Variants in PLA2G3 observed in about 807,000 individuals in gnomAD.
The protein encoded by PLA2G3 is phospholipase A2 group III.
Under a neutral mutation model 51.3 loss-of-function variants are expected in PLA2G3, and 39 were observed. The ratio of observed to expected loss-of-function variants is 0.76; its 90% CI spans 0.59 to 0.99. PLA2G3 has a LOEUF of 0.99. PLA2G3 is among the 50% of genes least tolerant of loss of function. The probability of loss-of-function intolerance (pLI) is 0.00; values close to 1 mark genes in which losing one functional copy is unlikely to be tolerated. For synonymous variants in PLA2G3, 293 were observed against 263.1 expected (o/e 1.11, Z -1.10); for missense variants, 677 against 662.1 (o/e 1.02, Z -0.25).
Position 31,135,369 on chromosome 22 carries a change from A to G in PLA2G3, c.*354T>C. 1 of 269,648 alleles carries G rather than the reference A, an allele frequency of 3.7e-6. No individual in the cohort carries two copies. Among genetic ancestry groups the G allele is most frequent in the Non-Finnish European group, 7.1e-6 (1 of 141,366 alleles). The allele number at this position is 269,648 out of a possible 1,614,324, so 16.7% of individuals were successfully genotyped here. ...TATTATTTTTGCAACACGGACATAC[A>G]TGTACCTCCTCCTGGTACTGCCTGG... On this transcript the variant is annotated 3_prime_UTR_variant, in exon 7 of 7. Transcript: ENST00000215885.
Position 31,134,933 on chromosome 22 carries a change from A to G in PLA2G3, c.*790T>C. The G allele has an allele frequency of 6.5e-6, 1 of 154,102 alleles. No homozygotes were observed. The allele number at this position is 154,102 out of a possible 1,614,324, so 9.5% of individuals were successfully genotyped here. A position where few individuals can be genotyped will look rare whatever the true frequency, so the allele number is the denominator to read the frequency against. ...GGTTACATCAACCTCTCAAGATCAG[A>G]CACCAAACCATAGTTCAGCTAGGTG... On this transcript the variant is annotated 3_prime_UTR_variant, in exon 7 of 7. Coordinates refer to ENST00000215885, the MANE Select transcript of PLA2G3 (RefSeq NM_015715.5).
In PLA2G3 at chr22:31,135,693, G is replaced by A; in HGVS notation, c.*30C>T. On this transcript the variant is annotated 3_prime_UTR_variant, in exon 7 of 7. Transcript: ENST00000215885. ...TTGGCATAGCCATGGGCAAGGTCCA[G>A]GCTGGTGCCCAGGAAAGCTGAAACT... is the stretch of plus-strand genomic sequence containing the variant. The A allele has an allele frequency of 6.4e-7, 1 of 1,572,208 alleles. No individual in the cohort carries two copies. The highest frequency in any genetic ancestry group is 8.7e-7 in the Non-Finnish European group (1 of 1,143,346).
chr22:31,137,669 C>T, intron 4 of PLA2G3, 41 bp downstream of exon 4: 1 of 1,533,422 alleles, frequency 6.5e-7, no homozygotes, highest in Admixed American at 2.1e-5. Context: ...CAGGGACACC[C>T]CCTCATGTCA....
rs767351242 is a variant in PLA2G3, at chr22:31,137,892, C to T, written c.884G>A (p.Arg295Gln). The T allele has an allele frequency of 1.8e-5, 29 of 1,613,598 alleles. No individual in the cohort carries two copies. Among genetic ancestry groups the T allele is most frequent in the South Asian group, 4.4e-5 (4 of 91,074 alleles). ...SRATSPTPSS[R>Q]SPAPPKPRQK... ...TCGAGGCTTGGGAGGGGCTGGGCTC[C>T]GGGAGCTGGGAGTTGGGGAGGTGGC... Residue 295 changes from arginine (R) to glutamine (Q), a missense_variant, in exon 4 of 7, where the codon CGG becomes CAG. Coordinates refer to ENST00000215885, the MANE Select transcript of PLA2G3 (RefSeq NM_015715.5).
Position 31,136,804 on chromosome 22 carries a change from G to C in PLA2G3, c.1200-5C>G. 7 of 1,607,946 alleles carry C rather than the reference G, an allele frequency of 4.4e-6. No homozygotes were observed. Among genetic ancestry groups the C allele is most frequent in the Non-Finnish European group, 5.9e-6 (7 of 1,177,738 alleles). On this transcript the variant is annotated splice_polypyrimidine_tract_variant and splice_region_variant and intron_variant, in intron 5 of 6. Coordinates refer to ENST00000215885, the MANE Select transcript of PLA2G3 (RefSeq NM_015715.5). ...AGCCTCAGGAAGCGTGCCAGACTGA[G>C]AACAGAGGCAGGCTCAGGCCGGGGC...
chr22:31,138,841 C>A (rs1276710289), intron 1 of PLA2G3, 42 bp from the exon 2 acceptor site: 2 of 1,609,534 alleles, frequency 1.2e-6, no homozygotes, highest in Non-Finnish European at 8.5e-7. Context: ...TCAGCAGGGT[C>A]CTAGGCATCA....
At position 31,137,013 on chromosome 22, in the gene PLA2G3, C is replaced by T. The variant is rs1028417712; in HGVS notation, c.1094G>A (p.Arg365His). Residue 365 changes from arginine to histidine, a missense_variant, in exon 5 of 7, where the codon CGC (arginine) becomes CAC (histidine). By Grantham distance (29) the Arg-to-His change is conservative (BLOSUM62 0). Coordinates refer to ENST00000215885, the MANE Select transcript of PLA2G3 (RefSeq NM_015715.5). ...GTGCTCACACTGGTCCAGGTGGCGG[C>T]GGAAGCTGCGGCAGACCCAGCGGGC... is the stretch of plus-strand genomic sequence containing the variant. ...QGARWVCRSF[R>H]RHLDQCEHQI... is the part of the protein sequence containing the mutation. 1.3e-5 allele frequency: 20 copies of T among 1,549,120 alleles called. No individual in the cohort carries two copies. The highest frequency in any genetic ancestry group is 9.5e-5 in the South Asian group (8 of 84,410).
rs772170427 is a variant in PLA2G3 at position 31,138,722 on chromosome 22, A to G, written c.592T>C (p.Tyr198His). ...PQNISPLQYN[Y>H]GIRNYRFHTI... Reference sequence around the variant, plus strand: ...TGGAATCGGTAGTTTCGGATGCCATAGTTGTACTGCAAGGGTGAGATGTTC... The same window carrying G: ...TGGAATCGGTAGTTTCGGATGCCATGGTTGTACTGCAAGGGTGAGATGTTC... The change falls in exon 2 of 7, where the codon TAT (tyrosine) becomes CAT (histidine). Residue 198 changes from tyrosine to histidine, a missense_variant. Physicochemically the swap from Tyr to His is moderately conservative, Grantham distance 83. Coordinates refer to ENST00000215885, the MANE Select transcript of PLA2G3 (RefSeq NM_015715.5). 3.0e-5 allele frequency: 49 copies of G among 1,613,878 alleles called. No individual in the cohort carries two copies. Among genetic ancestry groups the G allele is most frequent in the Non-Finnish European group, 4.1e-5 (48 of 1,179,982 alleles).
Position 31,135,611 on chromosome 22 carries a change from A to G in PLA2G3, c.*112T>C. The stretch of plus-strand genomic sequence containing the variant: ...CCATTCATCCTCTTGATTGTCCACA[A>G]CAGCCTCTGCCATGCTTCAGTCTAA... On this transcript the variant is annotated 3_prime_UTR_variant, in exon 7 of 7. Coordinates refer to ENST00000215885, the MANE Select transcript of PLA2G3 (RefSeq NM_015715.5). 1.3e-6 allele frequency: 1 copy of G among 789,248 alleles called. No individual in the cohort carries two copies. Among genetic ancestry groups the G allele is most frequent in the Non-Finnish European group, 2.2e-6 (1 of 462,766 alleles). The allele number at this position is 789,248 out of a possible 1,614,324, so 48.9% of individuals were successfully genotyped here.
intron 2 of PLA2G3, 80 bp from the exon 3 acceptor site, chr22:31,138,490 G>A: frequency 6.4e-6 from 10 of 1,564,304 alleles, no homozygotes; most frequent in Non-Finnish European, 7.9e-6. Context: ...GCCACTACCA[G>A]CTGGGTGGTT....
rs116007140 is a variant in PLA2G3, at chr22:31,135,802, A to C, written c.1451T>G (p.Met484Arg). ...CTGCAGGCACTGGTTGTAGAATGACATGGGGCCTCTCAGGGGCTCTGAAGG... is the reference window on the plus strand; with the variant it reads ...CTGCAGGCACTGGTTGTAGAATGACCTGGGGCCTCTCAGGGGCTCTGAAGG... ...PWPSEPLRGP[M>R]SFYNQCLQLT... Residue 484 changes from methionine to arginine, a missense_variant, in exon 7 of 7, where the codon ATG becomes AGG. Transcript: ENST00000215885. 5.4e-4 allele frequency: 864 copies of C among 1,614,018 alleles called. 2 individuals are homozygous for C. The African/African-American group carries it at 0.01, about 19-fold the overall frequency.
intron 4 of PLA2G3, among the ~76,000 whole-genome samples, 198 bp downstream of exon 4, chr22:31,137,512 G>A (rs1199034161): frequency 6.6e-6 from 1 of 152,228 alleles, no homozygotes; most frequent in African/African-American, 2.4e-5. Flanking sequence ...AGGAGTGGTG[G>A]TGGGTGCACA....
rs1367763049 is a variant in PLA2G3, at chr22:31,137,045, G to T, written c.1067-5C>A. 6 of 1,527,402 alleles carry T rather than the reference G, an allele frequency of 3.9e-6. No homozygotes were observed. In the African/African-American group the frequency reaches 7.0e-5, roughly 18 times the overall value. The allele number at this position is 1,527,402 out of a possible 1,614,324, so 94.6% of individuals were successfully genotyped here. On this transcript the variant is annotated splice_polypyrimidine_tract_variant and splice_region_variant and intron_variant, in intron 4 of 6. Transcript: ENST00000215885. Reference sequence around the variant, plus strand: ...TGCGGCAGACCCAGCGGGCACCTGAGGGGTGGATGTGGTGTTGATGGGAGC... The same window carrying T: ...TGCGGCAGACCCAGCGGGCACCTGATGGGTGGATGTGGTGTTGATGGGAGC...
rs1312894187 is a variant in PLA2G3 at position 31,140,490 on chromosome 22, C to T, written c.-136G>A. The T allele has an allele frequency of 1.0e-5, 10 of 960,518 alleles. No homozygotes were observed. The Admixed American group carries it at 1.1e-4, about 10-fold the overall frequency. The allele number at this position is 960,518 out of a possible 1,614,324, so 59.5% of individuals were successfully genotyped here. ...GCGGCGGGACCAATGAATGGAGCTG[C>T]GGGAGGAGGAGGAAAGAGGCTGGAG... On this transcript the variant is annotated 5_prime_UTR_variant, in exon 1 of 7. Coordinates refer to ENST00000215885, the MANE Select transcript of PLA2G3 (RefSeq NM_015715.5).
chr22:31,137,620 C>T, intron 4 of PLA2G3, 90 bp downstream of exon 4: 1 of 1,177,184 alleles, frequency 8.5e-7, no homozygotes, highest in Non-Finnish European at 1.2e-6. Context: ...GAAACTGGTG[C>T]AGGAAAAGAG....
Position 31,138,332 on chromosome 22 carries a change from G to T in PLA2G3, c.726C>A (p.Ile242=), listed in dbSNP as rs750339640. 6.2e-7 allele frequency: 1 copy of T among 1,613,814 alleles called. No individual in the cohort carries two copies. Among genetic ancestry groups the T allele is most frequent in the Non-Finnish European group, 8.5e-7 (1 of 1,179,988 alleles). ...CCTGCTCCTCCAGCACAAAGCAGGG[G>T]ATCTCCAGCACGTTGAAGAAGGCCA... The part of the protein sequence containing the change: ...VGVAFFNVLE[I]PCFVLEEQEA... The change falls in exon 3 of 7, where the codon ATC becomes ATA. Residue 242 remains isoleucine (I), a synonymous_variant. Transcript: ENST00000215885.
chr22:31,138,117 A>C, intron 3 of PLA2G3, 124 bp from the exon 4 acceptor site: 1 of 1,335,554 alleles, frequency 7.5e-7, no homozygotes, highest in Non-Finnish European at 1.0e-6. Context: ...GTTGTGGGGG[A>C]CACCCAAGGA....
Position 31,137,868 on chromosome 22 carries a change from C to G in PLA2G3, c.908G>C (p.Arg303Pro). ...CCCCTTCCGAAGGTGCTGCTTCTGTCGAGGCTTGGGAGGGGCTGGGCTCCG... is the reference window on the plus strand; with the variant it reads ...CCCCTTCCGAAGGTGCTGCTTCTGTGGAGGCTTGGGAGGGGCTGGGCTCCG... ...SSRSPAPPKP[R>P]QKQHLRKGPP... Residue 303 changes from arginine (R) to proline (P), a missense_variant, in exon 4 of 7, where the codon CGA (arginine) becomes CCA (proline). Transcript: ENST00000215885. The G allele has an allele frequency of 1.9e-6, 3 of 1,613,972 alleles. No individual in the cohort carries two copies. Among genetic ancestry groups the G allele is most frequent in the Non-Finnish European group, 2.5e-6 (3 of 1,179,972 alleles).
chr22:31,138,732 C>A lies in PLA2G3; in HGVS notation c.582G>T (p.Leu194Phe). The A allele has an allele frequency of 6.2e-7, 1 of 1,614,110 alleles. No homozygotes were observed. Among genetic ancestry groups the A allele is most frequent in the Non-Finnish European group, 8.5e-7 (1 of 1,179,998 alleles). The change falls in exon 2 of 7, where the codon TTG (leucine) becomes TTT (phenylalanine). Residue 194 changes from leucine to phenylalanine, a missense_variant. Physicochemically the swap from Leu to Phe is conservative, Grantham distance 22 (BLOSUM62 0). Transcript: ENST00000215885. ...HDRCPQNISP[L>F]QYNYGIRNYR... ...AGTTTCGGATGCCATAGTTGTACTGCAAGGGTGAGATGTTCTGTGGGCAGC... is the reference window on the plus strand; with the variant it reads ...AGTTTCGGATGCCATAGTTGTACTGAAAGGGTGAGATGTTCTGTGGGCAGC...
Sources: allele counts gnomAD v4.1 joint callset (sites outside exome capture counted in the v4.1 genomes callset), GRCh38; gene constraint gnomAD v4.1.1; transcripts MANE v1.5; gene names NCBI Gene and HGNC (gene_info 2026-07-23, HGNC 2026-07-21).